ASIC2: variants seen among roughly 807,000 people sequenced by gnomAD.
The protein encoded by ASIC2 is acid sensing ion channel subunit 2, also known as acid-sensing ion channel 2.
Under a neutral mutation model 57.3 loss-of-function variants are expected in ASIC2, and 25 were observed. The ratio of observed to expected loss-of-function variants is 0.44; its 90% CI spans 0.32 to 0.61. The LOEUF is 0.61. ASIC2 is among the 20% of genes least tolerant of loss of function. ASIC2 has a pLI of 0.06. For synonymous variants in ASIC2, 319 were observed against 307.5 expected (o/e 1.04, Z -0.39); for missense variants, 641 against 738.1 (o/e 0.87, Z 1.52).
intron 1 of ASIC2, among the ~76,000 whole-genome samples, chr17:33,162,496 G>T (rs1246387617): frequency 6.6e-6 from 1 of 152,264 alleles, no homozygotes; most frequent in East Asian, 1.9e-4. Context: ...GGCTTGCCTG[G>T]GTTCATGCTC....
chr17:33,108,695 C>A (rs977156769), intron 2 of ASIC2, among the ~76,000 whole-genome samples: 2 of 152,200 alleles, frequency 1.3e-5, no homozygotes, highest in Non-Finnish European at 2.9e-5. Context: ...TTGCTCAGGG[C>A]CTTCTCAGCC....
intron 1 of ASIC2, among the ~76,000 whole-genome samples, chr17:33,733,759 C>G (rs1330535336): frequency 6.6e-6 from 1 of 152,204 alleles, no homozygotes; most frequent in Admixed American, 6.5e-5. Context: ...CTTCTGTGGA[C>G]CATCACAGTA....
chr17:34,141,886 T>C (rs1396569129), intron 1 of ASIC2, among the ~76,000 whole-genome samples: 1 of 152,198 alleles, frequency 6.6e-6, no homozygotes, highest in Non-Finnish European at 1.5e-5. Context: ...GGGGGAACAA[T>C]GGCCCCTGTT....
chr17:33,977,837 T>A (rs1251204299), intron 1 of ASIC2, among the ~76,000 whole-genome samples: 1 of 152,206 alleles, frequency 6.6e-6, no homozygotes, highest in Non-Finnish European at 1.5e-5. Context: ...GTTACAGGAC[T>A]CCTGCACCCT....
chr17:33,501,953 A>G lies in ASIC2; in HGVS notation c.556-389886T>C, dbSNP rs1914112327. Among the ~76,000 whole-genome samples, 4 of 152,188 alleles carry G rather than the reference A, an allele frequency of 2.6e-5. No individual in the cohort carries two copies. In the South Asian group the frequency reaches 8.3e-4, roughly 32 times the overall value. ...TAGAGGGCCAGTGGCAAGAAAATCA[A>G]CACTGGGGAAGCCTGGGCCTGAGCG... On this transcript the variant is annotated intron_variant, in intron 1 of 9. Coordinates refer to the ASIC2 transcript ENST00000359872.
chr17:33,470,487 A>C (rs1485301463), intron 1 of ASIC2, among the ~76,000 whole-genome samples: 1 of 152,134 alleles, frequency 6.6e-6, no homozygotes, highest in Non-Finnish European at 1.5e-5. Context: ...ATCTTGTTAA[A>C]ATACAGATTC....
At chr17:34,150,086 A>G (rs2142143111) in intron 1 of ASIC2, among the ~76,000 whole-genome samples, 1 of 152,376 alleles carries the variant, frequency 6.6e-6, no homozygotes, top group African/African-American at 2.4e-5. Context: ...GTCATTTGTG[A>G]CAACATAGAT....
intron 1 of ASIC2, among the ~76,000 whole-genome samples, chr17:34,081,610 A>G (rs1283163350): frequency 6.6e-6 from 1 of 152,194 alleles, no homozygotes; most frequent in Non-Finnish European, 1.5e-5. Context: ...GAGGGAATGC[A>G]TCCTTGAACT....
intron 1 of ASIC2, among the ~76,000 whole-genome samples, chr17:33,923,907 A>G (rs1414169783): frequency 6.6e-6 from 1 of 152,106 alleles, no homozygotes; most frequent in African/African-American, 2.4e-5. Context: ...CCTCATGCCC[A>G]CCCAGCAACT....
intron 1 of ASIC2, among the ~76,000 whole-genome samples, chr17:33,268,954 C>G (rs1007629666): frequency 6.6e-6 from 1 of 152,148 alleles, no homozygotes; most frequent in Admixed American, 6.5e-5. Context: ...AAGTCAACAC[C>G]CCTCCTTGGG....
chr17:33,726,559 A>G (rs1013342755), intron 1 of ASIC2, among the ~76,000 whole-genome samples: 1 of 152,162 alleles, frequency 6.6e-6, no homozygotes, highest in African/African-American at 2.4e-5. Context: ...GATAAGTTTC[A>G]TGAAGCCAGG....
intron 1 of ASIC2, among the ~76,000 whole-genome samples, chr17:34,033,013 C>A (rs1325516321): frequency 6.6e-6 from 1 of 152,182 alleles, no homozygotes; most frequent in African/African-American, 2.4e-5. Flanking sequence ...ACCAAGCGGA[C>A]CTTGTAGACA....
At chr17:33,557,206 T>TACTAGATAA (rs774961295) in intron 1 of ASIC2, among the ~76,000 whole-genome samples, 15,492 of 152,128 alleles carry the variant, frequency 0.1, 2,092 homozygotes, top group African/African-American at 0.31. Context: ...ATTTTACAAA[T>TACTAGATAA]GTTAAGTAAC....
intron 1 of ASIC2, among the ~76,000 whole-genome samples, chr17:33,915,975 G>A (rs999436337): frequency 6.6e-6 from 1 of 152,206 alleles, no homozygotes; most frequent in Admixed American, 6.5e-5. Flanking sequence ...ATCCCCAGAG[G>A]AGGGAGACTC....
At chr17:33,841,985 C>T (rs1420746769) in intron 1 of ASIC2, among the ~76,000 whole-genome samples, 2 of 151,932 alleles carry the variant, frequency 1.3e-5, no homozygotes, top group Non-Finnish European at 2.9e-5. Context: ...ACCTTATGTA[C>T]GGTCCAGTGG....
intron 1 of ASIC2, among the ~76,000 whole-genome samples, chr17:33,393,023 A>G (rs1315840658): frequency 6.6e-6 from 1 of 151,982 alleles, no homozygotes; most frequent in Non-Finnish European, 1.5e-5. Context: ...CCCCCATCCC[A>G]AGTCTATGTC....
At position 34,099,185 on chromosome 17, in the gene ASIC2, A is replaced by G. The variant is rs1479014618; in HGVS notation, c.555+56793T>C. 1.4e-4 allele frequency among the ~76,000 whole-genome samples: 13 copies of G among 95,612 alleles called. 1 individual carries two copies. The highest frequency in any genetic ancestry group is 5.4e-4 in the African/African-American group (12 of 22,352). 62.7% of individuals were successfully genotyped at this position (95,612 alleles called of 152,430 possible). A position where few individuals can be genotyped will look rare whatever the true frequency, so the allele number is the denominator to read the frequency against. ...GAGAGAAAGAAAGAAAGAAAGAAAG[A>G]AAGAAAGAAAGAAAGAAAGAAAGAA... On this transcript the variant is annotated intron_variant, in intron 1 of 9. Coordinates refer to the ASIC2 transcript ENST00000359872.
chr17:33,206,611 T>C (rs2142083566), intron 1 of ASIC2, among the ~76,000 whole-genome samples: 1 of 152,184 alleles, frequency 6.6e-6, no homozygotes, highest in Middle Eastern at 3.4e-3. Flanking sequence ...CCGCTTTCTA[T>C]CCCCAGACAA....
At chr17:34,095,607 T>TTATA (rs3071169) in intron 1 of ASIC2, among the ~76,000 whole-genome samples, 4,491 of 95,950 alleles carry the variant, frequency 0.047, 134 homozygotes, top group East Asian at 0.082. Flanking sequence ...CAGGCAAATT[T>TTATA]TATATATATA....
Sources: gnomAD v4.1 joint callset for allele counts (sites outside exome capture counted in the v4.1 genomes callset) on GRCh38, gnomAD v4.1.1 for gene constraint, MANE v1.5 for transcripts, NCBI Gene and HGNC (gene_info 2026-07-23, HGNC 2026-07-21) for gene names.